Variants in MBNL3 observed in about 807,000 individuals in gnomAD.
The protein encoded by MBNL3 is muscleblind like splicing regulator 3, also known as muscleblind-like protein 3.
In MBNL3, 6 loss-of-function variants were observed where a neutral mutation model predicts 24.5. The observed-to-expected ratio is 0.25, with a 90% CI of 0.13 to 0.48. MBNL3 has a LOEUF of 0.48. Among genes scored for constraint, MBNL3 ranks in the 20% least tolerant of loss-of-function variants. The pLI is 0.99. For missense variants in MBNL3, 230 were observed against 293.5 expected, an observed-to-expected ratio of 0.78 and a Z score of 1.58; for synonymous variants, 100 against 101.7, an observed-to-expected ratio of 0.98 and a Z score of 0.10.
chrX:132,449,553 A>G (rs1212628760), intron 1 of MBNL3, among the ~76,000 whole-genome samples: 2 of 100,757 alleles, frequency 2.0e-5, no homozygotes, highest in Non-Finnish European at 3.9e-5. Flanking sequence ...GTCTCTGCAC[A>G]TGAGATGGGT....
At chrX:132,411,395 C>T (rs1019067543) in intron 2 of MBNL3, 1 of 752,285 alleles carries the variant, frequency 1.3e-6, no homozygotes, top group African/African-American at 2.3e-5. Context: ...TCAACAATCA[C>T]ACTTTTGTTC....
At chrX:132,386,549 A>G in intron 6 of MBNL3, 112 bp downstream of exon 6, 1 of 840,556 alleles carries the variant, frequency 1.2e-6, no homozygotes, top group East Asian at 3.4e-5. Context: ...TTTATTTTTA[A>G]TCAAAATACA....
At chrX:132,392,922 T>G (rs1937421162) in intron 3 of MBNL3, among the ~76,000 whole-genome samples, 1 of 111,929 alleles carries the variant, frequency 8.9e-6, no homozygotes, top group Admixed American at 9.5e-5. Flanking sequence ...TGCTTTAATA[T>G]CTACCTAAAA....
chrX:132,489,375 C>T (rs1201954072), upstream of MBNL3, among the ~76,000 whole-genome samples: 1 of 112,535 alleles, frequency 8.9e-6, no homozygotes, highest in East Asian at 2.9e-4. Flanking sequence ...TCCTCCCAGG[C>T]TCTTGGTTCA....
chrX:132,457,484 G>C, intron 1 of MBNL3, among the ~76,000 whole-genome samples: 1 of 110,940 alleles, frequency 9.0e-6, no homozygotes, highest in Non-Finnish European at 1.9e-5. Flanking sequence ...GGCTTAAATA[G>C]TAATTTAAAG....
At chrX:132,437,860 A>G in intron 2 of MBNL3, 2 of 540,216 alleles carry the variant, frequency 3.7e-6, no homozygotes, top group Non-Finnish European at 4.5e-6. Flanking sequence ...GTCTACCACA[A>G]ATAAAAGCAA....
intron 2 of MBNL3, among the ~76,000 whole-genome samples, chrX:132,423,931 C>T (rs1944060385): frequency 8.9e-6 from 1 of 111,850 alleles, no homozygotes; most frequent in Non-Finnish European, 1.9e-5. Context: ...TTGACTTGCT[C>T]TCTTACTACT....
chrX:132,447,467 C>T (rs1162038463), intron 1 of MBNL3, among the ~76,000 whole-genome samples: 1 of 111,647 alleles, frequency 9.0e-6, no homozygotes, highest in Non-Finnish European at 1.9e-5. Flanking sequence ...AGAGGTCCTT[C>T]ACATCCCTTG....
chrX:132,425,330 A>G (rs1944214366), intron 2 of MBNL3, among the ~76,000 whole-genome samples: 1 of 112,092 alleles, frequency 8.9e-6, no homozygotes, highest in Admixed American at 9.4e-5. Flanking sequence ...TCCAAGATAT[A>G]GTACATAAGC....
At chrX:132,489,723 G>C (rs1268143575), upstream of MBNL3, 2 of 108,846 alleles carry the variant, frequency 1.8e-5, no homozygotes, top group Non-Finnish European at 1.9e-5. Flanking sequence ...GCGCGGGCGG[G>C]CATCCGGAGC....
At chrX:132,417,636 T>C (rs1325095304) in intron 2 of MBNL3, among the ~76,000 whole-genome samples, 2 of 111,811 alleles carry the variant, frequency 1.8e-5, no homozygotes, top group Admixed American at 1.9e-4. Context: ...ATTCAGGCCA[T>C]GGTGATATTC....
chrX:132,474,927 A>C (rs536912454), intron 1 of MBNL3, among the ~76,000 whole-genome samples: 36 of 111,435 alleles, frequency 3.2e-4, no homozygotes, highest in African/African-American at 1.1e-3. Flanking sequence ...TTTCAGTGCC[A>C]AAACCAGTGG....
intron 1 of MBNL3, among the ~76,000 whole-genome samples, chrX:132,446,136 T>C (rs749547566): frequency 8.9e-6 from 1 of 112,331 alleles, no homozygotes; most frequent in African/African-American, 3.2e-5. Context: ...CATCCTTTTT[T>C]ATGGCTGCAT....
intron 1 of MBNL3, among the ~76,000 whole-genome samples, chrX:132,485,727 C>T (rs1201991813): frequency 8.9e-6 from 1 of 112,250 alleles, no homozygotes; most frequent in African/African-American, 3.2e-5. Context: ...ACAACTTGCT[C>T]CCAGACACAG....
At chrX:132,481,903 C>T (rs1947759306) in intron 1 of MBNL3, among the ~76,000 whole-genome samples, 1 of 111,787 alleles carries the variant, frequency 8.9e-6, no homozygotes, top group African/African-American at 3.3e-5. Flanking sequence ...GGGCAACTTG[C>T]GAGTCAGTCA....
rs185709688 is a variant in MBNL3 at position 132,435,433 on chromosome X, A to G, written c.177+4002T>C. On this transcript the variant is annotated intron_variant, in intron 2 of 8. Coordinates refer to ENST00000370853, the MANE Select transcript of MBNL3 (RefSeq NM_001386889.1). Reference sequence around the variant, plus strand: ...CTTGCATAATCCAGTGACCCTTGGGATTGTGTTGCTAGGCATCTAGTTTCT... The same window carrying G: ...CTTGCATAATCCAGTGACCCTTGGGGTTGTGTTGCTAGGCATCTAGTTTCT... Among the ~76,000 whole-genome samples the G allele has an allele frequency of 9.8e-3, 1,088 of 111,091 alleles. 6 individuals carry two copies. Among genetic ancestry groups the G allele is most frequent in the Non-Finnish European group, 0.015 (774 of 52,872 alleles).
Position 132,453,616 on chromosome X carries a change from A to G in MBNL3, c.-703-13302T>C, listed in dbSNP as rs182172140. Among the ~76,000 whole-genome samples the G allele has an allele frequency of 3.1e-3, 352 of 112,121 alleles. 1 individual carries two copies. The highest frequency in any genetic ancestry group is 0.01 in the African/African-American group (320 of 30,916). ...ATACTTTTCAATCTTTATCTCTATAATAGAAATTCCTTTAAAAATGTAGTT... is the reference window on the plus strand; with the variant it reads ...ATACTTTTCAATCTTTATCTCTATAGTAGAAATTCCTTTAAAAATGTAGTT... On this transcript the variant is annotated intron_variant, in intron 1 of 8. Transcript: ENST00000370853.
At chrX:132,419,830 G>C (rs1370771255) in intron 2 of MBNL3, among the ~76,000 whole-genome samples, 2 of 112,102 alleles carry the variant, frequency 1.8e-5, no homozygotes, top group Non-Finnish European at 3.8e-5. Context: ...TAAAACTAAA[G>C]GGTTTCAAAT....
intron 2 of MBNL3, among the ~76,000 whole-genome samples, chrX:132,426,257 T>C (rs187969129): frequency 8.9e-6 from 1 of 112,144 alleles, no homozygotes; most frequent in Non-Finnish European, 1.9e-5. Flanking sequence ...TGGCAGACTT[T>C]CACTGCAACT....
Sources: gnomAD v4.1 joint callset for allele counts (sites outside exome capture counted in the v4.1 genomes callset) on GRCh38, gnomAD v4.1.1 for gene constraint, MANE v1.5 for transcripts, NCBI Gene and HGNC (gene_info 2026-07-23, HGNC 2026-07-21) for gene names.